The following SEL1L3 variants were observed in gnomAD, a reference collection of about 807,000 sequenced individuals.
SEL1L3 encodes SEL1L family member 3.
Under a neutral mutation model 142.8 loss-of-function variants are expected in SEL1L3, and 76 were observed. The ratio of observed to expected loss-of-function variants is 0.53; its 90% confidence interval spans 0.44 to 0.64. The LOEUF is 0.64. Among genes scored for constraint, SEL1L3 ranks in the 30% least tolerant of loss-of-function variants. The probability of loss-of-function intolerance (pLI) is 0.00; values close to 1 mark genes in which losing one functional copy is unlikely to be tolerated. For missense variants in SEL1L3, 1,262 were observed against 1,381.7 expected (o/e 0.91, Z 1.37); for synonymous variants, 504 against 519.6 (o/e 0.97, Z 0.41).
At chr4:25,807,224 C>T (rs930458081) in intron 9 of SEL1L3, among the ~76,000 whole-genome samples, 1 of 152,170 alleles carries the variant, frequency 6.6e-6, no homozygotes, top group Non-Finnish European at 1.5e-5. Context: ...TTTTTAGACT[C>T]CTGTGTTGTT....
chr4:25,822,860 G>A (rs552091857), intron 6 of SEL1L3, among the ~76,000 whole-genome samples: 6 of 152,328 alleles, frequency 3.9e-5, no homozygotes, highest in South Asian at 2.1e-4. Flanking sequence ...GGAGAACCCC[G>A]GTGTCTGTCA....
intron 21 of SEL1L3, 88 bp downstream of exon 21, chr4:25,758,853 A>G (rs1718179676): frequency 2.2e-6 from 3 of 1,336,804 alleles, no homozygotes; most frequent in South Asian, 2.8e-5. Context: ...ACATTACAAT[A>G]TAAGGGTAAA....
chr4:25,785,118 C>T (rs1423004947), intron 13 of SEL1L3, among the ~76,000 whole-genome samples: 1 of 152,202 alleles, frequency 6.6e-6, no homozygotes, highest in East Asian at 1.9e-4. Context: ...CCATGTGCCA[C>T]ATGGGGTCCT....
chr4:25,735,498 T>G, the SEL1L3 span, among the ~76,000 whole-genome samples: 1 of 152,020 alleles, frequency 6.6e-6, no homozygotes, highest in Non-Finnish European at 1.5e-5. Context: ...TTGATTATCT[T>G]TATTTTTTTC....
At chr4:25,715,084 G>A in the SEL1L3 span, among the ~76,000 whole-genome samples, 1 of 152,088 alleles carries the variant, frequency 6.6e-6, no homozygotes, top group African/African-American at 2.4e-5. Flanking sequence ...CAATAAAGTA[G>A]CAATAATTCG....
chr4:25,736,840 A>G, the SEL1L3 span, among the ~76,000 whole-genome samples: 2 of 136,016 alleles, frequency 1.5e-5, no homozygotes, highest in Admixed American at 1.5e-4. Flanking sequence ...GCATATATAT[A>G]TATTCCATCC....
chr4:25,835,301 A>G lies in SEL1L3; in HGVS notation c.756T>C (p.Phe252=), dbSNP rs1436419825. ...LENDVVALLG[F]PYASSGENTG... ...TGTTTTCTCCACTGGAGGCATAAGG[A>G]AAGCCAAGCAGGGCAACCACATCTG... Residue 252 remains phenylalanine, a synonymous_variant, in exon 3 of 24, where the codon TTT becomes TTC. Coordinates refer to ENST00000399878, the MANE Select transcript of SEL1L3 (RefSeq NM_015187.5). 6.2e-7 allele frequency: 1 copy of G among 1,613,864 alleles called. No homozygotes were observed. Among genetic ancestry groups the G allele is most frequent in the Admixed American group, 1.7e-5 (1 of 60,004 alleles).
intron 23 of SEL1L3, among the ~76,000 whole-genome samples, chr4:25,754,590 A>C (rs1717829387): frequency 6.6e-6 from 1 of 151,792 alleles, no homozygotes; most frequent in Non-Finnish European, 1.5e-5. Context: ...AAATGTGTGG[A>C]GTTTTTTTCT....
intron 21 of SEL1L3, 132 bp downstream of exon 21, chr4:25,758,809 C>T (rs990422148): frequency 2.0e-6 from 2 of 1,000,584 alleles, no homozygotes; most frequent in Non-Finnish European, 2.8e-6. Context: ...CCACGGTGCC[C>T]TGCTTTTTGT....
chr4:25,747,131 G>T (rs1203127306), downstream of SEL1L3, among the ~76,000 whole-genome samples: 2 of 152,182 alleles, frequency 1.3e-5, no homozygotes, highest in African/African-American at 4.8e-5. Flanking sequence ...ATAGGAGAAG[G>T]AGGAGGATGA....
At chr4:25,771,128 A>G (rs2109146604) in intron 17 of SEL1L3, among the ~76,000 whole-genome samples, 1 of 152,392 alleles carries the variant, frequency 6.6e-6, no homozygotes. Flanking sequence ...AATTCCAGAT[A>G]TTCCTACACT....
intron 17 of SEL1L3, among the ~76,000 whole-genome samples, chr4:25,775,081 G>T (rs916312633): frequency 6.6e-6 from 1 of 152,182 alleles, no homozygotes; most frequent in Admixed American, 6.5e-5. Flanking sequence ...GAGAAGCAGA[G>T]AATGAGTTAA....
At position 25,847,282 on chromosome 4, in the gene SEL1L3, T is replaced by G. The variant is rs144381109; in HGVS notation, c.733+12A>C. 3 of 1,598,530 alleles carry G rather than the reference T, an allele frequency of 1.9e-6. No individual in the cohort carries two copies. The South Asian group carries it at 3.4e-5, about 18-fold the overall frequency. ...AATGAGAATTAGGTTCCTAGCAAGA[T>G]AGATGACCTACCATTTTCCAGAGGA... is the stretch of plus-strand genomic sequence containing the variant. On this transcript the variant is annotated intron_variant, in intron 2 of 23. Coordinates refer to ENST00000399878, the MANE Select transcript of SEL1L3 (RefSeq NM_015187.5).
intron 11 of SEL1L3, among the ~76,000 whole-genome samples, chr4:25,796,195 G>A (rs1712731465): frequency 6.6e-6 from 1 of 152,184 alleles, no homozygotes; most frequent in Non-Finnish European, 1.5e-5. Flanking sequence ...CCCAGAGAAG[G>A]CTCCACACTG....
At chr4:25,727,872 C>A in the SEL1L3 span, among the ~76,000 whole-genome samples, 1 of 152,174 alleles carries the variant, frequency 6.6e-6, no homozygotes, top group Non-Finnish European at 1.5e-5. Context: ...GGGAAACAGG[C>A]TGTGCCCACG....
At chr4:25,746,583 A>G (rs901897875), downstream of SEL1L3, among the ~76,000 whole-genome samples, 11 of 142,344 alleles carry the variant, frequency 7.7e-5, no homozygotes, top group Admixed American at 2.1e-4. Flanking sequence ...TTCTATATAT[A>G]GATAGATATA....
At chr4:25,821,383 G>A (rs1308058683) in intron 7 of SEL1L3, among the ~76,000 whole-genome samples, 2 of 152,204 alleles carry the variant, frequency 1.3e-5, no homozygotes, top group Non-Finnish European at 2.9e-5. Context: ...CAAGTGCCCT[G>A]AAGGCTCCCT....
chr4:25,799,640 G>C (rs959992377), intron 11 of SEL1L3, among the ~76,000 whole-genome samples: 1 of 152,138 alleles, frequency 6.6e-6, no homozygotes, highest in African/African-American at 2.4e-5. Context: ...AAGTGGTATG[G>C]AAAGCTGTTG....
At chr4:25,815,044 C>T (rs942299858) in intron 9 of SEL1L3, among the ~76,000 whole-genome samples, 3 of 152,146 alleles carry the variant, frequency 2.0e-5, no homozygotes, top group Non-Finnish European at 4.4e-5. Flanking sequence ...ACCTAAACTT[C>T]GGTTCTCCCT....
Sources: gnomAD v4.1 joint callset for allele counts (sites outside exome capture counted in the v4.1 genomes callset) on GRCh38, gnomAD v4.1.1 for gene constraint, MANE v1.5 for transcripts, NCBI Gene and HGNC (gene_info 2026-07-23, HGNC 2026-07-21) for gene names.